ADAM19: variants seen among roughly 807,000 people sequenced by gnomAD.
ADAM19 encodes the protein ADAM metallopeptidase domain 19.
ADAM19 carries 65 observed loss-of-function variants against 114.7 expected under a neutral mutation model. The ratio of observed to expected loss-of-function variants is 0.57; its 90% CI spans 0.46 to 0.70. The LOEUF (loss-of-function observed/expected upper bound fraction) is 0.70, where lower values mean the gene tolerates loss of function less well. ADAM19 is among the 30% of genes least tolerant of loss of function. The pLI, the probability that ADAM19 is intolerant of heterozygous loss-of-function variation, is 0.00. For missense variants in ADAM19, 1,063 were observed against 1,204.7 expected, an observed-to-expected ratio of 0.88 and a Z score of 1.74; for synonymous variants, 466 against 460.5, an observed-to-expected ratio of 1.01 and a Z score of -0.15.
chr5:157,479,657 G>A lies in ADAM19; in HGVS notation c.*1292C>T. On this transcript the variant is annotated 3_prime_UTR_variant, in exon 23 of 23. Transcript: ENST00000257527. ...CAGGTAAGGGCAGTGACCAGAGAGA[G>A]AACAAAAGGAAGTGAATGACAAAAA... The A allele has an allele frequency of 2.0e-6, 2 of 986,020 alleles. No individual in the cohort carries two copies. Among genetic ancestry groups the A allele is most frequent in the Non-Finnish European group, 2.4e-6 (2 of 830,082 alleles). The allele number at this position is 986,020 out of a possible 1,614,324, so 61.1% of individuals were successfully genotyped here.
At chr5:157,489,331 G>C (rs374815158) in intron 19 of ADAM19, 145 bp from the exon 20 acceptor site, 2 of 646,816 alleles carry the variant, frequency 3.1e-6, no homozygotes, top group Non-Finnish European at 5.6e-6. Context: ...TGGTCTTCTC[G>C]AACCACATCT....
At chr5:157,534,393 G>A (rs943316349) in intron 4 of ADAM19, among the ~76,000 whole-genome samples, 22 of 152,136 alleles carry the variant, frequency 1.4e-4, no homozygotes, top group African/African-American at 4.6e-4. Flanking sequence ...GCTTGAATCC[G>A]GGAGGCAGAG....
At chr5:157,509,954 A>T (rs1755863461) in intron 8 of ADAM19, among the ~76,000 whole-genome samples, 1 of 152,240 alleles carries the variant, frequency 6.6e-6, no homozygotes, top group South Asian at 2.1e-4. Flanking sequence ...GATAGCTCAG[A>T]GCTGAGCTTT....
chr5:157,518,071 T>C (rs891196252), intron 7 of ADAM19, among the ~76,000 whole-genome samples: 5 of 152,080 alleles, frequency 3.3e-5, no homozygotes, highest in Admixed American at 6.6e-5. Flanking sequence ...AACATGATTA[T>C]AAAAATGGAC....
intron 11 of ADAM19, among the ~76,000 whole-genome samples, chr5:157,504,996 G>A (rs1207811407): frequency 6.6e-6 from 1 of 151,756 alleles, no homozygotes; most frequent in East Asian, 1.9e-4. Flanking sequence ...GCAGGCGCCT[G>A]TATTCCCAGC....
chr5:157,502,912 C>T lies in ADAM19; in HGVS notation c.1199G>A (p.Gly400Asp). ...RELDRYLQSG[G>D]GMCLSNMPDT... is the part of the protein sequence containing the mutation. ...TGGCATGTTGGAGAGACACATTCCACCACCTGACTGCAGATACCTGTCCAG... is the reference window on the plus strand; with the variant it reads ...TGGCATGTTGGAGAGACACATTCCATCACCTGACTGCAGATACCTGTCCAG... The change falls in exon 12 of 23, where the codon GGT becomes GAT. Residue 400 changes from glycine to aspartate, a missense_variant. This residue lies in a region of ADAM19 where 615 missense variants were observed against 706.3 expected (regional missense o/e 0.87). Coordinates refer to ENST00000257527, the MANE Select transcript of ADAM19 (RefSeq NM_033274.5). The T allele has an allele frequency of 1.9e-6, 3 of 1,614,202 alleles. No individual in the cohort carries two copies. The highest frequency in any genetic ancestry group is 2.5e-6 in the Non-Finnish European group (3 of 1,180,032).
intron 3 of ADAM19, among the ~76,000 whole-genome samples, chr5:157,539,895 A>C (rs1756871192): frequency 1.3e-5 from 2 of 152,348 alleles, no homozygotes; most frequent in African/African-American, 4.8e-5. Flanking sequence ...CTAGTTACCG[A>C]ATGAATGGAT....
intron 1 of ADAM19, among the ~76,000 whole-genome samples, chr5:157,573,557 C>T (rs1440640445): frequency 6.6e-6 from 1 of 152,080 alleles, no homozygotes; most frequent in African/African-American, 2.4e-5. Context: ...ACTAGCCTGG[C>T]CAACATGGTG....
intron 3 of ADAM19, among the ~76,000 whole-genome samples, chr5:157,541,226 C>A (rs1187424795): frequency 6.6e-6 from 1 of 152,162 alleles, no homozygotes; most frequent in Middle Eastern, 3.2e-3. Flanking sequence ...GGGGCTGGCT[C>A]AGCAGACCGG....
intron 21 of ADAM19, among the ~76,000 whole-genome samples, chr5:157,484,879 G>C (rs1486317128): frequency 4.6e-5 from 7 of 152,248 alleles, no homozygotes; most frequent in African/African-American, 1.7e-4. Context: ...TGAGGGGCTG[G>C]AGTTTGGGCA....
chr5:157,511,735 A>G (rs577157568), intron 8 of ADAM19, among the ~76,000 whole-genome samples: 1 of 152,310 alleles, frequency 6.6e-6, no homozygotes, highest in African/African-American at 2.4e-5. Context: ...TTAGTTCAAC[A>G]ATAGTTCAGT....
chr5:157,534,771 T>A (rs1756717291), intron 4 of ADAM19, among the ~76,000 whole-genome samples: 1 of 152,220 alleles, frequency 6.6e-6, no homozygotes, highest in Non-Finnish European at 1.5e-5. Flanking sequence ...TATTGCCATG[T>A]TTTAAAGGGG....
intron 6 of ADAM19, 96 bp from the exon 7 acceptor site, chr5:157,518,984 C>T: frequency 2.0e-6 from 2 of 1,000,842 alleles, no homozygotes; most frequent in Non-Finnish European, 3.2e-6. Flanking sequence ...TAAGCAGCAG[C>T]TACCTCCGTA....
chr5:157,543,262 T>C (rs1756965909), intron 3 of ADAM19, among the ~76,000 whole-genome samples: 1 of 152,200 alleles, frequency 6.6e-6, no homozygotes, highest in South Asian at 2.1e-4. Flanking sequence ...TGTATAAAAA[T>C]TGTTTTCACG....
intron 8 of ADAM19, 159 bp downstream of exon 8, chr5:157,513,275 T>G: frequency 1.8e-6 from 1 of 544,056 alleles, no homozygotes; most frequent in Non-Finnish European, 3.3e-6. Flanking sequence ...TAAGGGTACG[T>G]AGTTCAGGGC....
intron 2 of ADAM19, chr5:157,568,884 T>C (rs1186089186): frequency 6.6e-6 from 1 of 152,166 alleles, no homozygotes; most frequent in Non-Finnish European, 1.5e-5. Context: ...ATGCTGACTA[T>C]TCCTACAGAA....
At chr5:157,489,273 C>T (rs1755068236) in intron 19 of ADAM19, 87 bp from the exon 20 acceptor site, 1 of 867,692 alleles carries the variant, frequency 1.2e-6, no homozygotes, top group South Asian at 1.4e-5. Flanking sequence ...CAAGCACGGC[C>T]AGCAAGCAGC....
chr5:157,513,419 C>A lies in ADAM19; in HGVS notation c.738+15G>T. Reference sequence around the variant, plus strand: ...CACCTGGCACCTTTCCCACAAAGTACACACCTGGTCTCACCTTATCAACAT... The same window carrying A: ...CACCTGGCACCTTTCCCACAAAGTAAACACCTGGTCTCACCTTATCAACAT... On this transcript the variant is annotated intron_variant, in intron 8 of 22. Transcript: ENST00000257527. 2 of 1,613,242 alleles carry A rather than the reference C, an allele frequency of 1.2e-6. No homozygotes were observed. The highest frequency in any genetic ancestry group is 1.7e-6 in the Non-Finnish European group (2 of 1,179,432).
intron 12 of ADAM19, among the ~76,000 whole-genome samples, chr5:157,500,082 A>G (rs1313256491): frequency 6.6e-6 from 1 of 152,184 alleles, no homozygotes; most frequent in Non-Finnish European, 1.5e-5. Context: ...CCTGGCCTGG[A>G]AACTTTTGAC....
Sources: allele counts gnomAD v4.1 joint callset (sites outside exome capture counted in the v4.1 genomes callset), GRCh38; gene constraint gnomAD v4.1.1; regional missense constraint gnomAD v4.1.1; transcripts MANE v1.5; gene names NCBI Gene and HGNC (gene_info 2026-07-23, HGNC 2026-07-21).